Variants in MTA3 observed in about 807,000 individuals in gnomAD.
MTA3 encodes metastasis-associated protein MTA3.
MTA3 carries 34 observed loss-of-function variants against 83.5 expected under a neutral mutation model. That is an observed-to-expected ratio of 0.41 (90% CI 0.31 to 0.54). The LOEUF (loss-of-function observed/expected upper bound fraction) is 0.54, where lower values mean the gene tolerates loss of function less well. Among genes scored for constraint, MTA3 ranks in the 20% least tolerant of loss-of-function variants. MTA3 has a pLI of 0.33. For synonymous variants in MTA3, 303 were observed against 252.7 expected (o/e 1.20, Z -1.89); for missense variants, 761 against 726.4 (o/e 1.05, Z -0.55).
rs377211715 is a variant in MTA3, at chr2:42,535,143, T to G, written c.-140-35294T>G. On this transcript the variant is annotated intron_variant, in intron 2 of 17. Coordinates refer to the MTA3 transcript ENST00000405592. ...GGCTCACGCCTGTAATCCCAGCACTTTGGGAGGCAGAGGCAGGTGAATCAC... is the reference window on the plus strand; with the variant it reads ...GGCTCACGCCTGTAATCCCAGCACTGTGGGAGGCAGAGGCAGGTGAATCAC... 1.7e-4 allele frequency among the ~76,000 whole-genome samples: 25 copies of G among 151,048 alleles called. 1 individual carries two copies. The highest frequency in any genetic ancestry group is 5.6e-4 in the African/African-American group (23 of 41,250).
At chr2:42,588,032 TTGGATTTTTATAATA>T (rs1374704299) in intron 3 of MTA3, among the ~76,000 whole-genome samples, 1 of 152,204 alleles carries the variant, frequency 6.6e-6, no homozygotes, top group East Asian at 1.9e-4. Context: ...ACATTTTTCC[TTGGATTTTTATAATA>T]ATAGTATACA....
At chr2:42,694,141 A>T (rs1356230453) in intron 9 of MTA3, among the ~76,000 whole-genome samples, 2 of 152,178 alleles carry the variant, frequency 1.3e-5, no homozygotes, top group Non-Finnish European at 2.9e-5. Flanking sequence ...TGCAAGACAA[A>T]GTCCTCTTTA....
chr2:42,548,840 AT>A (rs1411877829), intron 2 of MTA3, among the ~76,000 whole-genome samples: 2 of 12,572 alleles, frequency 1.6e-4, no homozygotes, highest in Non-Finnish European at 1.6e-4. Flanking sequence ...ATATATATAT[AT>A]ATATAATATA....
rs115134973 is a variant in MTA3 at position 42,706,869 on chromosome 2, A to C, written c.1151-1034A>C. ...AGTCTTGAAAGGGATTCTGTCTGTA[A>C]ATGGAGATTTTAAAATAAGGATTTT... is the stretch of plus-strand genomic sequence containing the variant. On this transcript the variant is annotated intron_variant, in intron 12 of 16. Coordinates refer to ENST00000405094, the MANE Select transcript of MTA3 (RefSeq NM_001330442.2). Among the ~76,000 whole-genome samples, 276 of 152,322 alleles carry C rather than the reference A, an allele frequency of 1.8e-3. 1 individual carries two copies. Among genetic ancestry groups the C allele is most frequent in the African/African-American group, 6.3e-3 (262 of 41,576 alleles).
At chr2:42,504,125 T>G (rs544519451) in intron 2 of MTA3, among the ~76,000 whole-genome samples, 2 of 152,122 alleles carry the variant, frequency 1.3e-5, no homozygotes, top group Admixed American at 6.5e-5. Flanking sequence ...AGATGGGGTT[T>G]CGCTGTGTTG....
At chr2:42,542,521 C>T (rs1390954064) in intron 2 of MTA3, among the ~76,000 whole-genome samples, 1 of 152,064 alleles carries the variant, frequency 6.6e-6, no homozygotes, top group African/African-American at 2.4e-5. Context: ...TTACACATCT[C>T]CTGAAATCAT....
At chr2:42,705,923 A>T (rs761013399) in intron 12 of MTA3, among the ~76,000 whole-genome samples, 7 of 152,198 alleles carry the variant, frequency 4.6e-5, no homozygotes, top group African/African-American at 1.4e-4. Context: ...GATGTTTTCT[A>T]TTTATTAAAT....
intron 2 of MTA3, among the ~76,000 whole-genome samples, chr2:42,535,522 C>T (rs984259024): frequency 6.6e-6 from 1 of 152,190 alleles, no homozygotes; most frequent in African/African-American, 2.4e-5. Flanking sequence ...CCACTGCACC[C>T]AACTCCCTTC....
At chr2:42,543,883 G>T (rs1348942746) in intron 2 of MTA3, among the ~76,000 whole-genome samples, 1 of 151,738 alleles carries the variant, frequency 6.6e-6, no homozygotes, top group African/African-American at 2.4e-5. Flanking sequence ...AGAGACAGGG[G>T]TCTCACTATA....
At position 42,720,951 on chromosome 2, in the gene MTA3, CAAAAAAAAAAAAA is replaced by C. The variant is rs377702701; in HGVS notation, c.1612+1888_1612+1900del. 8.0e-3 allele frequency among the ~76,000 whole-genome samples: 556 copies of C among 69,600 alleles called. 5 individuals carry two copies. The highest frequency in any genetic ancestry group is 0.011 in the Admixed American group (66 of 5,748). The allele number at this position is 69,600 out of a possible 152,430, so 45.7% of individuals were successfully genotyped here. A position where few individuals can be genotyped will look rare whatever the true frequency, so the allele number is the denominator to read the frequency against. ...CAAGTGACCAATTGAGACCCTGTCT[CAAAAAAAAAAAAA>C]AAAAAAAAAAGAAAAGAAAAGAAAA... On this transcript the variant is annotated intron_variant, in intron 15 of 16. Transcript: ENST00000405094.
At position 42,754,437 on chromosome 2, in the gene MTA3, G is replaced by GC; in HGVS notation, c.*1039dup. On this transcript the variant is annotated 3_prime_UTR_variant, in exon 17 of 17. Transcript: ENST00000405094. The stretch of plus-strand genomic sequence containing the variant: ...GACCTAGGCCCCGGGGGACCTGCCT[G>GC]CTCCTTTGGCTTGGGCTCTTCGTGT... 1 of 985,538 alleles carries GC rather than the reference G, an allele frequency of 1.0e-6. No homozygotes were observed. The highest frequency in any genetic ancestry group is 1.2e-6 in the Non-Finnish European group (1 of 830,036). The allele number at this position is 985,538 out of a possible 1,614,324, so 61.0% of individuals were successfully genotyped here.
intron 12 of MTA3, among the ~76,000 whole-genome samples, chr2:42,706,270 TATA>T (rs1666071602): frequency 2.0e-5 from 3 of 152,056 alleles, no homozygotes; most frequent in Non-Finnish European, 4.4e-5. Context: ...AAACTTAAGG[TATA>T]ATAATAATAA....
At chr2:42,622,376 G>A (rs191685126) in intron 4 of MTA3, among the ~76,000 whole-genome samples, 1,965 of 149,700 alleles carry the variant, frequency 0.013, 42 homozygotes, top group African/African-American at 0.045. Context: ...GCTTCGGCTC[G>A]GCATGAGAGG....
chr2:42,500,706 A>G (rs1023772549), intron 2 of MTA3, among the ~76,000 whole-genome samples: 3 of 152,112 alleles, frequency 2.0e-5, no homozygotes, highest in Non-Finnish European at 2.9e-5. Flanking sequence ...AATTAACAAG[A>G]GAAACACAGT....
chr2:42,718,471 C>T (rs907550203), intron 14 of MTA3, among the ~76,000 whole-genome samples: 1 of 151,584 alleles, frequency 6.6e-6, no homozygotes, highest in South Asian at 2.1e-4. Context: ...GTCTTGAACT[C>T]CTGGCCTCAG....
chr2:42,512,693 A>G (rs929986732), intron 2 of MTA3, among the ~76,000 whole-genome samples: 8 of 152,190 alleles, frequency 5.3e-5, no homozygotes, highest in African/African-American at 1.9e-4. Flanking sequence ...TCTCCTCTAG[A>G]TAACAGTGTG....
chr2:42,585,789 T>A (rs1680208191), intron 3 of MTA3, among the ~76,000 whole-genome samples: 2 of 152,078 alleles, frequency 1.3e-5, no homozygotes, highest in Non-Finnish European at 2.9e-5. Flanking sequence ...CTGTATTTTA[T>A]TTTATTTATT....
rs71410129 is a variant in MTA3 at position 42,720,155 on chromosome 2, CTTTA to C, written c.1612+1105_1612+1108del. Among the ~76,000 whole-genome samples the C allele has an allele frequency of 4.1e-3, 600 of 147,592 alleles. 4 individuals are homozygous for C. Among genetic ancestry groups the C allele is most frequent in the African/African-American group, 0.013 (513 of 40,094 alleles). On this transcript the variant is annotated intron_variant, in intron 15 of 16. Transcript: ENST00000405094. ...TGTTACTGTACTACCTTATTCCTTG[CTTTA>C]TTTATTTATTTATTTATTTATTTTA...
At chr2:42,646,070 T>C (rs1442468357) in intron 6 of MTA3, among the ~76,000 whole-genome samples, 4 of 152,212 alleles carry the variant, frequency 2.6e-5, no homozygotes, top group Non-Finnish European at 1.5e-5. Context: ...CTAAATCTGC[T>C]CTGCCTGTGT....
Sources: gnomAD v4.1 joint callset for allele counts (sites outside exome capture counted in the v4.1 genomes callset) on GRCh38, gnomAD v4.1.1 for gene constraint, MANE v1.5 for transcripts, NCBI Gene and HGNC (gene_info 2026-07-23, HGNC 2026-07-21) for gene names.